MAST2: variants seen among roughly 807,000 people sequenced by gnomAD.
MAST2 encodes the protein microtubule-associated serine/threonine-protein kinase 2.
Under a neutral mutation model 147.4 loss-of-function variants are expected in MAST2, and 70 were observed. That is an observed-to-expected ratio of 0.47 (90% CI 0.39 to 0.58). The LOEUF is 0.58. MAST2 is among the 20% of genes least tolerant of loss of function. MAST2 has a pLI of 0.00. For missense variants in MAST2, 2,080 were observed against 2,302.3 expected (o/e 0.90, Z 1.98); for synonymous variants, 869 against 896.8 (o/e 0.97, Z 0.55).
intron 5 of MAST2, among the ~76,000 whole-genome samples, chr1:45,982,568 C>T (rs1644454250): frequency 6.6e-6 from 1 of 152,190 alleles, no homozygotes; most frequent in South Asian, 2.1e-4. Flanking sequence ...TCCCGGATTC[C>T]ACAAGGAGAG....
In MAST2 at chr1:46,025,670, G is replaced by T; in HGVS notation, c.1781-7G>T. 1 of 1,614,058 alleles carries T rather than the reference G, an allele frequency of 6.2e-7. No homozygotes were observed. Among genetic ancestry groups the T allele is most frequent in the African/African-American group, 1.3e-5 (1 of 75,056 alleles). The stretch of plus-strand genomic sequence containing the variant: ...CCTTTCCTCATGGTAGCCTGGGCTT[G>T]TTGCAGGGGGAGACTGTGCCACTCT... On this transcript the variant is annotated splice_region_variant and splice_polypyrimidine_tract_variant and intron_variant, in intron 15 of 28. Transcript: ENST00000361297.
chr1:46,011,617 TA>T (rs1484595897), intron 10 of MAST2, among the ~76,000 whole-genome samples: 1 of 152,196 alleles, frequency 6.6e-6, no homozygotes, highest in Non-Finnish European at 1.5e-5. Flanking sequence ...TGTTATCCAT[TA>T]ATACAGTTTG....
At chr1:45,882,009 T>G (rs1646867340) in intron 3 of MAST2, among the ~76,000 whole-genome samples, 2 of 54,998 alleles carry the variant, frequency 3.6e-5, no homozygotes, top group East Asian at 8.4e-4. Flanking sequence ...ACCCCGTCTC[T>G]ACTAAAAAAA....
rs1269952595 is a variant in MAST2 at position 46,029,953 on chromosome 1, A to G, written c.2443A>G (p.Thr815Ala). Residue 815 changes from threonine to alanine, a missense_variant and splice_region_variant, in exon 20 of 29, where the codon ACC becomes GCC. Physicochemically the swap from Thr to Ala is moderately conservative, Grantham distance 58. Coordinates refer to ENST00000361297, the MANE Select transcript of MAST2 (RefSeq NM_015112.3). ...ESEDDTSYFD[T>A]RSERYHHMDS... is the part of the protein sequence containing the mutation. Reference sequence around the variant, plus strand: ...AGAGGATGATACTAGCTATTTTGACAGTAAGGCCACCGATGGGTGGGGTGG... The same window carrying G: ...AGAGGATGATACTAGCTATTTTGACGGTAAGGCCACCGATGGGTGGGGTGG... 6.2e-7 allele frequency: 1 copy of G among 1,613,990 alleles called. No homozygotes were observed. Among genetic ancestry groups the G allele is most frequent in the African/African-American group, 1.3e-5 (1 of 74,942 alleles).
intron 5 of MAST2, among the ~76,000 whole-genome samples, chr1:45,996,724 A>G (rs1431213584): frequency 1.3e-5 from 2 of 152,212 alleles, no homozygotes; most frequent in African/African-American, 4.8e-5. Flanking sequence ...CTACTAGATC[A>G]GTATAAAAAG....
chr1:45,897,892 G>A (rs1002412557), intron 4 of MAST2, among the ~76,000 whole-genome samples: 2 of 151,178 alleles, frequency 1.3e-5, no homozygotes, highest in Non-Finnish European at 3.0e-5. Context: ...ATCACCTGAG[G>A]TCAGGAGTTC....
intron 5 of MAST2, among the ~76,000 whole-genome samples, chr1:45,963,068 G>A (rs1254141329): frequency 1.3e-5 from 2 of 152,134 alleles, no homozygotes; most frequent in African/African-American, 4.8e-5. Flanking sequence ...AAGATCAGAT[G>A]GTTGTAGATG....
chr1:45,838,473 T>C (rs1645173574), intron 3 of MAST2, among the ~76,000 whole-genome samples: 1 of 152,100 alleles, frequency 6.6e-6, no homozygotes, highest in Admixed American at 6.5e-5. Context: ...TCCACCCGCC[T>C]AGGCTTTCCA....
intron 4 of MAST2, among the ~76,000 whole-genome samples, chr1:45,889,518 C>T (rs550394830): frequency 3.0e-4 from 46 of 152,296 alleles, no homozygotes; most frequent in Non-Finnish European, 6.2e-4. Context: ...CTTAGGATCA[C>T]ACCTGACTAT....
chr1:45,933,234 A>G, intron 4 of MAST2, among the ~76,000 whole-genome samples: 1 of 72,964 alleles, frequency 1.4e-5, no homozygotes, highest in Non-Finnish European at 2.6e-5. Context: ...TTAAAAAAAA[A>G]AAGCGGGGGG....
At chr1:45,860,734 A>C (rs1645953392) in intron 3 of MAST2, among the ~76,000 whole-genome samples, 2 of 151,854 alleles carry the variant, frequency 1.3e-5, no homozygotes, top group Admixed American at 6.6e-5. Context: ...CAGGAGGCTG[A>C]GGCAGGAGAA....
At chr1:45,841,310 G>A (rs1645266750) in intron 3 of MAST2, among the ~76,000 whole-genome samples, 1 of 151,968 alleles carries the variant, frequency 6.6e-6, no homozygotes, top group Non-Finnish European at 1.5e-5. Context: ...TCTCAGGTTT[G>A]TCATTTAACA....
At chr1:45,893,343 A>G (rs1438658532) in intron 4 of MAST2, among the ~76,000 whole-genome samples, 1 of 151,828 alleles carries the variant, frequency 6.6e-6, no homozygotes, top group Non-Finnish European at 1.5e-5. Flanking sequence ...TGGGACTGTA[A>G]GCATGCATCA....
At chr1:45,998,124 C>T (rs955051080) in intron 6 of MAST2, among the ~76,000 whole-genome samples, 1 of 152,084 alleles carries the variant, frequency 6.6e-6, no homozygotes, top group Non-Finnish European at 1.5e-5. Flanking sequence ...ATTATACTCT[C>T]AATTTAGAAC....
chr1:45,933,859 TA>T (rs1167166076), intron 4 of MAST2, among the ~76,000 whole-genome samples: 4 of 152,112 alleles, frequency 2.6e-5, no homozygotes, highest in African/African-American at 7.2e-5. Flanking sequence ...CAATTTGTTT[TA>T]GTAAACAAAA....
At chr1:45,918,587 G>GC (rs1557904957) in intron 4 of MAST2, among the ~76,000 whole-genome samples, 2 of 152,058 alleles carry the variant, frequency 1.3e-5, no homozygotes, top group African/African-American at 4.8e-5. Context: ...ACAGGCGGCT[G>GC]CCCCCACACC....
At chr1:45,889,575 G>A (rs1022258424) in intron 4 of MAST2, among the ~76,000 whole-genome samples, 1 of 151,922 alleles carries the variant, frequency 6.6e-6, no homozygotes, top group African/African-American at 2.4e-5. Context: ...TACACAATGT[G>A]TTCTCTGTGC....
At chr1:45,925,314 A>G (rs1272757805) in intron 4 of MAST2, among the ~76,000 whole-genome samples, 1 of 152,266 alleles carries the variant, frequency 6.6e-6, no homozygotes, top group African/African-American at 2.4e-5. Context: ...CGTTGATGCT[A>G]GCTCTTAAGT....
intron 4 of MAST2, among the ~76,000 whole-genome samples, chr1:45,888,131 A>G (rs577785226): frequency 6.6e-6 from 1 of 152,202 alleles, no homozygotes; most frequent in Non-Finnish European, 1.5e-5. Context: ...ATAACTGTCC[A>G]TTCACCATAA....
Sources: allele counts gnomAD v4.1 joint callset (sites outside exome capture counted in the v4.1 genomes callset), GRCh38; gene constraint gnomAD v4.1.1; transcripts MANE v1.5; gene names NCBI Gene and HGNC (gene_info 2026-07-23, HGNC 2026-07-21).